The following BRSK1 variants were observed in gnomAD, a reference collection of about 807,000 sequenced individuals.
The protein encoded by BRSK1 is BR serine/threonine kinase 1.
BRSK1 carries 17 observed loss-of-function variants against 86.2 expected under a neutral mutation model. The ratio of observed to expected loss-of-function variants is 0.20; its 90% confidence interval spans 0.14 to 0.30. BRSK1 has a LOEUF of 0.30. Ranked by LOEUF, BRSK1 falls within the 10% of genes least tolerant of loss-of-function variation. BRSK1 has a pLI of 1.00. For missense variants in BRSK1, 719 were observed against 1,071.9 expected, an observed-to-expected ratio of 0.67 and a Z score of 4.60; for synonymous variants, 464 against 440.1, an observed-to-expected ratio of 1.05 and a Z score of -0.68.
Position 55,287,145 on chromosome 19 carries a change from C to CCCG in BRSK1, c.231+44_231+45insCCG. ...GTGTGCCTGCGGGTGGGGGGGCCTC[C>CCCG]GGGGCTGAGGGCAGGGGCGGGGCCG... On this transcript the variant is annotated intron_variant, in intron 2 of 18. Transcript: ENST00000309383. This position sits in a 1 kb window ranked among gnomAD's most constrained non-coding sequence, Gnocchi z 5.3. 1.2e-6 allele frequency: 1 copy of CCCG among 810,792 alleles called. No individual in the cohort carries two copies. The allele number at this position is 810,792 out of a possible 1,614,324, so 50.2% of individuals were successfully genotyped here.
At chr19:55,288,975 C>T (rs2088365127) in intron 3 of BRSK1, among the ~76,000 whole-genome samples, 1 of 152,094 alleles carries the variant, frequency 6.6e-6, no homozygotes, top group Non-Finnish European at 1.5e-5. Context: ...ACCTTGCAAT[C>T]GTTAATACTC....
chr19:55,308,533 G>C, intron 17 of BRSK1, 106 bp from the exon 18 acceptor site: 1 of 769,148 alleles, frequency 1.3e-6, no homozygotes, highest in Non-Finnish European at 2.3e-6. Flanking sequence ...CGGAGATGCA[G>C]GGGGGGTGTT....
At chr19:55,301,321 G>A (rs1369745692) in intron 7 of BRSK1, among the ~76,000 whole-genome samples, 191 bp from the exon 8 acceptor site, 2 of 152,194 alleles carry the variant, frequency 1.3e-5, no homozygotes, top group Admixed American at 6.5e-5. Flanking sequence ...TTCGTAAGCG[G>A]GGCTCCAAGC....
At chr19:55,288,970 GCA>G (rs1400283619) in intron 3 of BRSK1, among the ~76,000 whole-genome samples, 1 of 152,136 alleles carries the variant, frequency 6.6e-6, no homozygotes, top group African/African-American at 2.4e-5. Flanking sequence ...GTGCAACCTT[GCA>G]ATCGTTAATA....
At position 55,304,785 on chromosome 19, in the gene BRSK1, C is replaced by A. The variant is rs2088624133; in HGVS notation, c.1582C>A (p.Pro528Thr). 1 of 1,561,246 alleles carries A rather than the reference C, an allele frequency of 6.4e-7. No homozygotes were observed. Among genetic ancestry groups the A allele is most frequent in the Admixed American group, 1.9e-5 (1 of 52,228 alleles). ...GCCTCTGCACACGCCCCGGGCCAGTCCCACCGGGACCCCGGGGACAACACC... is the reference window on the plus strand; with the variant it reads ...GCCTCTGCACACGCCCCGGGCCAGTACCACCGGGACCCCGGGGACAACACC... Reference protein sequence around the residue: ...HSPLHTPRASPTGTPGTTPPP... With the variant: ...HSPLHTPRASTTGTPGTTPPP... Residue 528 changes from proline to threonine, a missense_variant, in exon 14 of 19, where the codon CCC (proline) becomes ACC (threonine). Pro to Thr is a conservative substitution (Grantham distance 38). Transcript: ENST00000309383. The surrounding 1 kb of genome is among the most constrained non-coding windows in gnomAD (Gnocchi z 5.2).
chr19:55,296,827 G>T (rs372268873), intron 7 of BRSK1, among the ~76,000 whole-genome samples: 1 of 151,720 alleles, frequency 6.6e-6, no homozygotes, highest in Non-Finnish European at 1.5e-5. Context: ...CAGCCTGGGC[G>T]ACAGAGCGAG....
At chr19:55,293,567 C>T (rs957399098) in intron 4 of BRSK1, among the ~76,000 whole-genome samples, 1 of 151,742 alleles carries the variant, frequency 6.6e-6, no homozygotes, top group African/African-American at 2.4e-5. Flanking sequence ...AATCCCAGCA[C>T]TTTGAGAGGC....
intron 7 of BRSK1, among the ~76,000 whole-genome samples, chr19:55,298,743 T>G (rs2122965242): frequency 6.6e-6 from 1 of 152,300 alleles, no homozygotes; most frequent in East Asian, 1.9e-4. Context: ...TTTCACATTT[T>G]TGTGTTGTTG....
chr19:55,305,203 T>A (rs1454153253), intron 14 of BRSK1, 118 bp from the exon 15 acceptor site: 10 of 1,391,976 alleles, frequency 7.2e-6, no homozygotes. Flanking sequence ...AGGGATGGCT[T>A]GGCCGAGGCT....
Position 55,294,890 on chromosome 19 carries a change from C to T in BRSK1, c.678+493C>T, listed in dbSNP as rs1441124869. On this transcript the variant is annotated intron_variant, in intron 7 of 18. Coordinates refer to ENST00000309383, the MANE Select transcript of BRSK1 (RefSeq NM_032430.2). This position sits in a 1 kb window ranked among gnomAD's most constrained non-coding sequence, Gnocchi z 4.9. ...AGTCTTGGCTCACTGCAACCTACGCCGCCCGGGTTCAAGCTATTCTCCTGC... is the reference window on the plus strand; with the variant it reads ...AGTCTTGGCTCACTGCAACCTACGCTGCCCGGGTTCAAGCTATTCTCCTGC... Among the ~76,000 whole-genome samples the T allele has an allele frequency of 3.3e-5, 5 of 151,966 alleles. No homozygotes were observed. Among genetic ancestry groups the T allele is most frequent in the Admixed American group, 1.3e-4 (2 of 15,234 alleles).
chr19:55,286,995 C>T lies in BRSK1; in HGVS notation c.137-12C>T, dbSNP rs2088327011. 1.2e-6 allele frequency: 2 copies of T among 1,613,684 alleles called. No homozygotes were observed. The highest frequency in any genetic ancestry group is 1.3e-5 in the African/African-American group (1 of 74,912). ...CGGCGGAACACCCCACATTTTCACC[C>T]TGCTCCTGCAGGGCTGGTTAAACTC... On this transcript the variant is annotated splice_polypyrimidine_tract_variant and intron_variant, in intron 1 of 18. Coordinates refer to ENST00000309383, the MANE Select transcript of BRSK1 (RefSeq NM_032430.2).
rs763805486 is a variant in BRSK1 at position 55,311,956 on chromosome 19, G to A, written c.2225G>A (p.Arg742Gln). The A allele has an allele frequency of 1.1e-5, 16 of 1,447,872 alleles. No individual in the cohort carries two copies. The highest frequency in any genetic ancestry group is 5.3e-5 in the Admixed American group (3 of 56,110). The allele number at this position is 1,447,872 out of a possible 1,614,324, so 89.7% of individuals were successfully genotyped here. A position where few individuals can be genotyped will look rare whatever the true frequency, so the allele number is the denominator to read the frequency against. ...ACCCGGCCTGCTGGTGCCCCACCCC[G>A]AAGCCTGCAGCCCCCACCCGGCCGC... ...AQTRPAGAPP[R>Q]SLQPPPGRPD... The change falls in exon 19 of 19, where the codon CGA (arginine) becomes CAA (glutamine). Residue 742 changes from arginine to glutamine, a missense_variant. Transcript: ENST00000309383.
At position 55,302,075 on chromosome 19, in the gene BRSK1, T is replaced by C. The variant is rs2088579427; in HGVS notation, c.826-62T>C. On this transcript the variant is annotated intron_variant, in intron 8 of 18. Coordinates refer to ENST00000309383, the MANE Select transcript of BRSK1 (RefSeq NM_032430.2). The surrounding 1 kb of genome is among the most constrained non-coding windows in gnomAD (Gnocchi z 6.3). Reference sequence around the variant, plus strand: ...ACCCCAAAACCACCCCAGTCTTTCATTGCGCGCCTACATGTGCCTACGACC... The same window carrying C: ...ACCCCAAAACCACCCCAGTCTTTCACTGCGCGCCTACATGTGCCTACGACC... 6.3e-7 allele frequency: 1 copy of C among 1,597,492 alleles called. No individual in the cohort carries two copies. Among genetic ancestry groups the C allele is most frequent in the Non-Finnish European group, 8.6e-7 (1 of 1,164,904 alleles).
chr19:55,289,976 A>G, intron 4 of BRSK1, among the ~76,000 whole-genome samples: 1 of 151,944 alleles, frequency 6.6e-6, no homozygotes, highest in East Asian at 1.9e-4. Flanking sequence ...GAATCATACG[A>G]TACATGGCCC....
At chr19:55,295,152 TC>T (rs2088467732) in intron 7 of BRSK1, among the ~76,000 whole-genome samples, 1 of 118,932 alleles carries the variant, frequency 8.4e-6, no homozygotes, top group African/African-American at 3.0e-5. Context: ...AGAGAGGATC[TC>T]TCTCTGTCGC....
rs918819429 is a variant in BRSK1 at position 55,294,499 on chromosome 19, T to C, written c.678+102T>C. The C allele has an allele frequency of 2.2e-6, 3 of 1,348,308 alleles. No individual in the cohort carries two copies. Among genetic ancestry groups the C allele is most frequent in the African/African-American group, 1.5e-5 (1 of 68,130 alleles). The allele number at this position is 1,348,308 out of a possible 1,614,324, so 83.5% of individuals were successfully genotyped here. On this transcript the variant is annotated intron_variant, in intron 7 of 18. Transcript: ENST00000309383. The surrounding 1 kb of genome is among the most constrained non-coding windows in gnomAD (Gnocchi z 4.9). ...TCAGGTCATCTCCTGAATTTATTTATGAATTTTATTTATTTATTTTGAGAC... is the reference window on the plus strand; with the variant it reads ...TCAGGTCATCTCCTGAATTTATTTACGAATTTTATTTATTTATTTTGAGAC...
At position 55,301,493 on chromosome 19, in the gene BRSK1, C is replaced by G; in HGVS notation, c.679-19C>G. 2 of 1,612,218 alleles carry G rather than the reference C, an allele frequency of 1.2e-6. No homozygotes were observed. Among genetic ancestry groups the G allele is most frequent in the Non-Finnish European group, 1.7e-6 (2 of 1,179,366 alleles). On this transcript the variant is annotated intron_variant, in intron 7 of 18. Transcript: ENST00000309383. ...GGGTGAAATGTGCTAATGAGGGGTC[C>G]TGGTTATCTCTTGCCCAGGGGGCTC...
Position 55,304,817 on chromosome 19 carries a change from C to A in BRSK1, c.1614C>A (p.Pro538=). ...PTGTPGTTPP[P]SPGGGVGGAA... ...GGACCCCGGGGACAACACCACCCCC[C>A]AGCCCCGGCGGTGGCGTCGGGGGAG... Residue 538 remains proline (P), a synonymous_variant, in exon 14 of 19, where the codon CCC becomes CCA. Transcript: ENST00000309383. This position sits in a 1 kb window ranked among gnomAD's most constrained non-coding sequence, Gnocchi z 5.2. The A allele has an allele frequency of 1.9e-6, 3 of 1,581,206 alleles. No individual in the cohort carries two copies. Among genetic ancestry groups the A allele is most frequent in the Non-Finnish European group, 1.7e-6 (2 of 1,166,834 alleles).
In BRSK1 at chr19:55,303,213, G is replaced by A; in HGVS notation, c.1029-98G>A. ...GATACCTAGAAAAAATGGAACCATG[G>A]GCAGAAATACAGGGAGCGGAGGAGA... On this transcript the variant is annotated intron_variant, in intron 10 of 18. Transcript: ENST00000309383. The surrounding 1 kb of genome is among the most constrained non-coding windows in gnomAD (Gnocchi z 5.1). 2.1e-6 allele frequency: 2 copies of A among 957,958 alleles called. No homozygotes were observed. Among genetic ancestry groups the A allele is most frequent in the Non-Finnish European group, 3.3e-6 (2 of 608,724 alleles). The allele number at this position is 957,958 out of a possible 1,614,324, so 59.3% of individuals were successfully genotyped here.
Sources: allele counts gnomAD v4.1 joint callset (sites outside exome capture counted in the v4.1 genomes callset), GRCh38; gene constraint gnomAD v4.1.1; non-coding constraint Gnocchi (gnomAD v3.1); transcripts MANE v1.5; gene names NCBI Gene and HGNC (gene_info 2026-07-23, HGNC 2026-07-21).